Variants in LARGE1 observed in about 807,000 individuals in gnomAD.
LARGE1 encodes the protein LARGE xylosyl- and glucuronyltransferase 1.
A neutral mutation model predicts 87.6 loss-of-function variants in LARGE1; 43 were observed. That is an observed-to-expected ratio of 0.49 (90% CI 0.38 to 0.63). The LOEUF (loss-of-function observed/expected upper bound fraction) is 0.63. Ranked by LOEUF, LARGE1 falls within the 30% of genes least tolerant of loss-of-function variation. The probability of loss-of-function intolerance (pLI) is 0.00; values close to 1 mark genes in which losing one functional copy is unlikely to be tolerated. For missense variants in LARGE1, 802 were observed against 1,000.2 expected (o/e 0.80, Z 2.67); for synonymous variants, 434 against 394.6 (o/e 1.10, Z -1.18).
intron 7 of LARGE1, among the ~76,000 whole-genome samples, chr22:33,404,629 G>T (rs965165219): frequency 3.9e-5 from 6 of 152,200 alleles, no homozygotes; most frequent in African/African-American, 1.2e-4. Context: ...TTAGCGAGGT[G>T]TGCATTTAGT....
At chr22:33,092,828 G>A in the LARGE1 span, among the ~76,000 whole-genome samples, 1 of 152,106 alleles carries the variant, frequency 6.6e-6, no homozygotes. Context: ...GCTGCATAGA[G>A]TCTCATGGTG....
intron 1 of LARGE1, among the ~76,000 whole-genome samples, chr22:33,810,494 A>C (rs1352015213): frequency 1.3e-5 from 2 of 152,214 alleles, no homozygotes; most frequent in African/African-American, 4.8e-5. Flanking sequence ...ATCAAGGTAG[A>C]ACTTCTCTGC....
chr22:33,105,000 CTCTT>C, the LARGE1 span, among the ~76,000 whole-genome samples: 1,083 of 124,210 alleles, frequency 8.7e-3, 15 homozygotes, highest in African/African-American at 0.028. Context: ...TTCTCTCTCT[CTCTT>C]TCTTTCTTTT....
intron 2 of LARGE1, among the ~76,000 whole-genome samples, chr22:33,672,175 T>C (rs1603081571): frequency 6.6e-6 from 1 of 152,250 alleles, no homozygotes; most frequent in African/African-American, 2.4e-5. Flanking sequence ...CTGTCCCAGA[T>C]AAGCACAGAA....
intron 2 of LARGE1, among the ~76,000 whole-genome samples, chr22:33,673,699 A>G (rs1218396088): frequency 6.6e-6 from 1 of 151,822 alleles, no homozygotes; most frequent in African/African-American, 2.4e-5. Context: ...ATTCTTTTTT[A>G]TTTTTATTTT....
intron 13 of LARGE1, among the ~76,000 whole-genome samples, chr22:33,280,315 C>CAA (rs58680121): frequency 0.072 from 4,826 of 66,628 alleles, 147 homozygotes; most frequent in Non-Finnish European, 0.12. Context: ...GGTAACTCCT[C>CAA]AAAAAAAAAA....
chr22:33,263,815 T>TA (rs1420242449), intron 11 of LARGE1, among the ~76,000 whole-genome samples: 1 of 152,238 alleles, frequency 6.6e-6, no homozygotes, highest in Non-Finnish European at 1.5e-5. Context: ...AAGGACCTGT[T>TA]ACAACTGGAT....
intron 2 of LARGE1, among the ~76,000 whole-genome samples, chr22:33,660,632 G>T (rs1434483260): frequency 6.6e-6 from 1 of 152,156 alleles, no homozygotes; most frequent in East Asian, 1.9e-4. Context: ...CCAGTTTCTT[G>T]AGTCCTATTT....
intron 2 of LARGE1, among the ~76,000 whole-genome samples, chr22:33,730,712 CG>C (rs1430067488): frequency 6.7e-6 from 1 of 149,824 alleles, no homozygotes; most frequent in East Asian, 1.9e-4. Flanking sequence ...TTTTTTGAGA[CG>C]GAGTTTTACT....
chr22:33,221,392 A>G (rs1925452458), intron 11 of LARGE1, among the ~76,000 whole-genome samples: 1 of 152,184 alleles, frequency 6.6e-6, no homozygotes, highest in Non-Finnish European at 1.5e-5. Context: ...AAAGGTTGGG[A>G]CATAGTTTTA....
At chr22:33,099,415 G>A in the LARGE1 span, among the ~76,000 whole-genome samples, 2 of 151,986 alleles carry the variant, frequency 1.3e-5, no homozygotes, top group Admixed American at 6.6e-5. Context: ...CACCAAGCCC[G>A]GCTAATTGTG....
At chr22:33,485,790 C>G (rs2069547890) in intron 6 of LARGE1, among the ~76,000 whole-genome samples, 1 of 152,182 alleles carries the variant, frequency 6.6e-6, no homozygotes, top group South Asian at 2.1e-4. Flanking sequence ...CACCTCTCCC[C>G]TCACACTCTC....
At chr22:33,197,478 T>A (rs1034771198) in intron 11 of LARGE1, among the ~76,000 whole-genome samples, 2 of 152,034 alleles carry the variant, frequency 1.3e-5, no homozygotes, top group African/African-American at 2.4e-5. Context: ...CTCAATTGTC[T>A]TATCTTCTAG....
In LARGE1 at chr22:33,900,642, CT is replaced by C. The variant is rs569110018; in HGVS notation, c.-83+19352del. Among the ~76,000 whole-genome samples, 22 of 152,336 alleles carry C rather than the reference CT, an allele frequency of 1.4e-4. 1 individual carries two copies. The South Asian group carries it at 4.6e-3, about 32-fold the overall frequency. On this transcript the variant is annotated intron_variant, in intron 1 of 14. Transcript: ENST00000397394. ...AAAAGACATGAGGAAGTCCTAACCCCTGGTACCTCAAATTGTGACCTTCATT... is the reference window on the plus strand; with the variant it reads ...AAAAGACATGAGGAAGTCCTAACCCCGGTACCTCAAATTGTGACCTTCATT...
At chr22:33,081,677 A>T in the LARGE1 span, among the ~76,000 whole-genome samples, 2 of 152,174 alleles carry the variant, frequency 1.3e-5, no homozygotes, top group African/African-American at 4.8e-5. Flanking sequence ...TTCATATGAC[A>T]TTTTGCATAA....
chr22:33,360,907 G>A (rs1445968044), intron 9 of LARGE1, among the ~76,000 whole-genome samples: 1 of 149,806 alleles, frequency 6.7e-6, no homozygotes, highest in Non-Finnish European at 1.5e-5. Context: ...TCTCTCCCCT[G>A]TATGTAATCC....
chr22:33,657,238 T>C (rs960200029), intron 2 of LARGE1: 1 of 152,228 alleles, frequency 6.6e-6, no homozygotes, highest in Non-Finnish European at 1.5e-5. Context: ...TCCGGTTGCA[T>C]CATCCTGCCC....
intron 1 of LARGE1, among the ~76,000 whole-genome samples, chr22:33,819,079 A>G (rs575962450): frequency 6.6e-6 from 1 of 152,304 alleles, no homozygotes; most frequent in East Asian, 1.9e-4. Flanking sequence ...ACAACTTCAA[A>G]GGCCACCAGT....
chr22:33,119,347 T>C, the LARGE1 span, among the ~76,000 whole-genome samples: 3 of 152,170 alleles, frequency 2.0e-5, no homozygotes, highest in East Asian at 5.8e-4. Context: ...TTTTTTATTT[T>C]TTGGTCTTTC....
Sources: allele counts gnomAD v4.1 joint callset (sites outside exome capture counted in the v4.1 genomes callset), GRCh38; gene constraint gnomAD v4.1.1; transcripts MANE v1.5; gene names NCBI Gene and HGNC (gene_info 2026-07-23, HGNC 2026-07-21).